Variants in SMS observed in about 807,000 individuals in gnomAD.
The protein encoded by SMS is spermine synthase, also known as spermidine aminopropyltransferase.
SMS carries 3 observed loss-of-function variants against 33.0 expected under a neutral mutation model. The observed-to-expected ratio is 0.09, with a 90% CI of 0.04 to 0.23. The LOEUF (loss-of-function observed/expected upper bound fraction) is 0.23. Among genes scored for constraint, SMS ranks in the 10% least tolerant of loss-of-function variants. The pLI is 1.00. For missense variants in SMS, 117 were observed against 288.6 expected (o/e 0.41, Z 4.31); for synonymous variants, 103 against 112.2 (o/e 0.92, Z 0.52).
intron 7 of SMS, among the ~76,000 whole-genome samples, chrX:21,982,336 CAAAAAAAA>C (rs11430711): frequency 4.3e-5 from 2 of 46,096 alleles, no homozygotes; most frequent in Non-Finnish European, 8.3e-5. Flanking sequence ...AGACTTGTCT[CAAAAAAAA>C]AAAAAAAAAA....
At chrX:21,975,612 A>G (rs1460309164) in intron 4 of SMS, among the ~76,000 whole-genome samples, 2 of 111,347 alleles carry the variant, frequency 1.8e-5, no homozygotes, top group African/African-American at 6.5e-5. Flanking sequence ...GCTCTCTAGC[A>G]GTTGTCCTGA....
chrX:21,984,070 C>G (rs1925161496), intron 7 of SMS, among the ~76,000 whole-genome samples: 1 of 110,947 alleles, frequency 9.0e-6, no homozygotes, highest in Non-Finnish European at 1.9e-5. Context: ...AATAGTGCCT[C>G]TAGGATTGTT....
chrX:21,941,165 TCCACCCGCGCTC>T (rs1921733478), intron 1 of SMS: 1 of 112,529 alleles, frequency 8.9e-6, no homozygotes, highest in South Asian at 3.3e-4. Flanking sequence ...GCCCTGGCCG[TCCACCCGCGCTC>T]CCACGCGGGC....
At chrX:21,987,639 G>T (rs1300026043) in intron 9 of SMS, among the ~76,000 whole-genome samples, 2 of 112,605 alleles carry the variant, frequency 1.8e-5, no homozygotes, top group Non-Finnish European at 3.8e-5. Flanking sequence ...TTTTCTTTTA[G>T]GTTTCTGCAA....
At chrX:21,950,711 C>T (rs1300859116) in intron 1 of SMS, among the ~76,000 whole-genome samples, 1 of 109,182 alleles carries the variant, frequency 9.2e-6, no homozygotes, top group Admixed American at 9.9e-5. Context: ...GTTTTCTGTT[C>T]CTGTGTTAGT....
At chrX:21,970,911 C>T (rs1463207146) in intron 2 of SMS, among the ~76,000 whole-genome samples, 1 of 110,488 alleles carries the variant, frequency 9.1e-6, no homozygotes, top group Non-Finnish European at 1.9e-5. Context: ...CAAATACATG[C>T]ATAGGCCGGG....
At position 21,977,157 on chromosome X, in the gene SMS, C is replaced by T. The variant is rs185114683; in HGVS notation, c.426C>T (p.Asp142=). ...VEYDIDEVVY[D]EDSPYQNIKI... ...ATGACATAGATGAAGTGGTATATGA[C>T]GAAGATTCACCTTATCAAAATATAA... Residue 142 remains aspartate (D), a synonymous_variant, in exon 5 of 11, where the codon GAC becomes GAT. Transcript: ENST00000404933. The T allele has an allele frequency of 3.6e-5, 43 of 1,203,970 alleles. No homozygotes were observed. In the Middle Eastern group the frequency reaches 9.2e-4, roughly 26 times the overall value.
In SMS at chrX:21,979,019, T is replaced by C; in HGVS notation, c.750+53T>C. ...TAAGTGAACTAATAATATAAGTTATTGATCAGAATTGTGCCTTATTAAAAC... is the reference window on the plus strand; with the variant it reads ...TAAGTGAACTAATAATATAAGTTATCGATCAGAATTGTGCCTTATTAAAAC... On this transcript the variant is annotated intron_variant, in intron 7 of 10. Coordinates refer to ENST00000404933, the MANE Select transcript of SMS (RefSeq NM_004595.5). 5.7e-6 allele frequency: 5 copies of C among 876,990 alleles called. No individual in the cohort carries two copies. In the South Asian group the frequency reaches 1.0e-4, roughly 17 times the overall value. 72.3% of individuals were successfully genotyped at this position (876,990 alleles called of 1,213,427 possible). A position where few individuals can be genotyped will look rare whatever the true frequency, so the allele number is the denominator to read the frequency against.
At chrX:21,965,793 CAAAT>C (rs1041335793) in intron 1 of SMS, among the ~76,000 whole-genome samples, 10 of 108,472 alleles carry the variant, frequency 9.2e-5, no homozygotes, top group South Asian at 3.9e-4. Context: ...TAAAAAAAAA[CAAAT>C]AAATAAAAAT....
In SMS at chrX:21,965,567, C is replaced by T. The variant is rs1167242502; in HGVS notation, c.50-1629C>T. Among the ~76,000 whole-genome samples, 181 of 79,852 alleles carry T rather than the reference C, an allele frequency of 2.3e-3. 2 individuals carry two copies. Among genetic ancestry groups the T allele is most frequent in the Middle Eastern group, 0.015 (2 of 131 alleles). The allele number at this position is 79,852 out of a possible 115,157, so 69.3% of individuals were successfully genotyped here. ...CATCTTGGCTAACACAGTGAAACCC[C>T]GTCTCTACTACAAATACAAAAAAAA... On this transcript the variant is annotated intron_variant, in intron 1 of 10. Transcript: ENST00000404933.
chrX:21,969,492 G>A (rs977933221), intron 2 of SMS, among the ~76,000 whole-genome samples: 5 of 111,652 alleles, frequency 4.5e-5, no homozygotes, highest in East Asian at 2.8e-4. Context: ...TGTACCTGCC[G>A]CCTCTCACTG....
intron 4 of SMS, among the ~76,000 whole-genome samples, chrX:21,976,615 A>G (rs1924548982): frequency 9.0e-6 from 1 of 111,409 alleles, no homozygotes; most frequent in South Asian, 3.8e-4. Flanking sequence ...AATGCAGTGT[A>G]TGAGCCTTTA....
chrX:21,975,527 T>C (rs1035452210), intron 4 of SMS, among the ~76,000 whole-genome samples: 2 of 111,002 alleles, frequency 1.8e-5, no homozygotes, highest in African/African-American at 6.6e-5. Flanking sequence ...TCCAATGCCA[T>C]GGGTGGCTCA....
At chrX:21,940,920 C>T in intron 1 of SMS, 47 bp downstream of exon 1, 1 of 937,158 alleles carries the variant, frequency 1.1e-6, no homozygotes, top group African/African-American at 2.1e-5. Flanking sequence ...GCCGCTCCCG[C>T]CGCCTGGCGG....
intron 1 of SMS, among the ~76,000 whole-genome samples, chrX:21,942,851 T>TA (rs1473591693): frequency 2.9e-5 from 3 of 103,591 alleles, no homozygotes; most frequent in African/African-American, 1.1e-4. Context: ...TTTTTTTTTT[T>TA]AATTCTGAGA....
chrX:21,959,319 C>T (rs1923181024), intron 1 of SMS, among the ~76,000 whole-genome samples: 1 of 112,099 alleles, frequency 8.9e-6, no homozygotes, highest in South Asian at 3.7e-4. Flanking sequence ...TTGCATATCA[C>T]TTGATTTCTG....
chrX:21,945,305 G>A (rs1203327782), intron 1 of SMS, among the ~76,000 whole-genome samples: 7 of 111,792 alleles, frequency 6.3e-5, no homozygotes, highest in African/African-American at 2.3e-4. Flanking sequence ...TTATGAGGAT[G>A]GTCCAGAATT....
chrX:21,945,884 A>C (rs1569340148), intron 1 of SMS, among the ~76,000 whole-genome samples: 1 of 110,887 alleles, frequency 9.0e-6, no homozygotes. Flanking sequence ...TGGCCTCTCA[A>C]AGTGCTGGGA....
chrX:21,959,942 G>A (rs2238963), intron 1 of SMS: 185,759 of 751,575 alleles, frequency 0.25, 16,417 homozygotes, highest in Admixed American at 0.37. Context: ...AGAAGGGGCC[G>A]GGTATAAGCC....
Sources: allele counts gnomAD v4.1 joint callset (sites outside exome capture counted in the v4.1 genomes callset), GRCh38; gene constraint gnomAD v4.1.1; transcripts MANE v1.5; gene names NCBI Gene and HGNC (gene_info 2026-07-23, HGNC 2026-07-21).